NTRK3: variants seen among roughly 807,000 people sequenced by gnomAD.
The protein encoded by NTRK3 is neurotrophic receptor tyrosine kinase 3, also known as NT-3 growth factor receptor.
Under a neutral mutation model 91.7 loss-of-function variants are expected in NTRK3, and 24 were observed. The ratio of observed to expected loss-of-function variants is 0.26; its 90% CI spans 0.19 to 0.37. The LOEUF is 0.37. Ranked by LOEUF, NTRK3 falls within the 10% of genes least tolerant of loss-of-function variation. The pLI, the probability that NTRK3 is intolerant of heterozygous loss-of-function variation, is 1.00. For missense variants in NTRK3, 880 were observed against 1,068.9 expected (o/e 0.82, Z 2.46); for synonymous variants, 483 against 404.0 (o/e 1.20, Z -2.34).
At chr15:88,246,576 C>T (rs764687074) in intron 3 of NTRK3, among the ~76,000 whole-genome samples, 1 of 152,184 alleles carries the variant, frequency 6.6e-6, no homozygotes, top group African/African-American at 2.4e-5. Context: ...CTCTATTAAG[C>T]CTGTGGGTCT....
intron 3 of NTRK3, among the ~76,000 whole-genome samples, chr15:88,232,663 G>A (rs1032860754): frequency 6.6e-6 from 1 of 152,152 alleles, no homozygotes; most frequent in South Asian, 2.1e-4. Flanking sequence ...AACCTCTGAG[G>A]AGCTGATTTG....
intron 3 of NTRK3, among the ~76,000 whole-genome samples, chr15:88,209,430 GC>G: frequency 6.6e-6 from 1 of 152,330 alleles, no homozygotes; most frequent in Admixed American, 6.5e-5. Flanking sequence ...TGGCTAGGAT[GC>G]CCTATCAGTC....
chr15:88,096,435 AC>A (rs1277660417), intron 13 of NTRK3, among the ~76,000 whole-genome samples: 2 of 152,200 alleles, frequency 1.3e-5, no homozygotes, highest in Non-Finnish European at 2.9e-5. Flanking sequence ...CTTCACCATG[AC>A]ACAGGCCCAG....
Position 88,137,919 on chromosome 15 carries a change from C to T in NTRK3, c.465-358G>A, listed in dbSNP as rs182473324. On this transcript the variant is annotated intron_variant, in intron 6 of 18. Coordinates refer to ENST00000394480, the Ensembl canonical transcript of NTRK3. ...TACAAAAATTAGCCGTGCGTGGTGGCGCACGCCTGTAGTCCCAGCTACTCG... is the reference window on the plus strand; with the variant it reads ...TACAAAAATTAGCCGTGCGTGGTGGTGCACGCCTGTAGTCCCAGCTACTCG... 1.3e-3 allele frequency among the ~76,000 whole-genome samples: 193 copies of T among 151,830 alleles called. 1 individual carries two copies. In the Middle Eastern group the frequency reaches 0.031, roughly 24 times the overall value.
chr15:88,245,745 C>A (rs745959211), intron 3 of NTRK3, among the ~76,000 whole-genome samples: 2 of 152,056 alleles, frequency 1.3e-5, no homozygotes, highest in African/African-American at 2.4e-5. Flanking sequence ...AATAGTCCTG[C>A]CTTATGTTTA....
intron 3 of NTRK3, among the ~76,000 whole-genome samples, chr15:88,212,036 T>G (rs772402397): frequency 3.3e-5 from 5 of 152,158 alleles, no homozygotes; most frequent in Non-Finnish European, 7.3e-5. Flanking sequence ...GAATCAAATG[T>G]GAAGAATCCA....
intron 14 of NTRK3, among the ~76,000 whole-genome samples, chr15:87,990,172 A>C (rs2075177234): frequency 6.6e-6 from 1 of 152,102 alleles, no homozygotes. Flanking sequence ...CATGGTCTCA[A>C]AGCTACAACT....
At chr15:87,933,858 G>T (rs2069022649) in intron 15 of NTRK3, among the ~76,000 whole-genome samples, 2 of 152,150 alleles carry the variant, frequency 1.3e-5, no homozygotes, top group South Asian at 4.1e-4. Flanking sequence ...TACACTCAGG[G>T]CCAGGCAGAG....
In NTRK3 at chr15:88,187,694, G is replaced by A. The variant is rs183997108; in HGVS notation, c.249-3395C>T. 1.2e-4 allele frequency among the ~76,000 whole-genome samples: 18 copies of A among 152,180 alleles called. No individual in the cohort carries two copies. In the East Asian group the frequency reaches 2.1e-3, roughly 18 times the overall value. ...ATACTGCCTGCAAAACAGACTTTGCGAGGCTGAGGCGGGTGGATCATTCAT... is the reference window on the plus strand; with the variant it reads ...ATACTGCCTGCAAAACAGACTTTGCAAGGCTGAGGCGGGTGGATCATTCAT... On this transcript the variant is annotated intron_variant, in intron 3 of 18. Coordinates refer to ENST00000394480, the Ensembl canonical transcript of NTRK3.
At chr15:88,002,239 A>G (rs2076161941) in intron 14 of NTRK3, among the ~76,000 whole-genome samples, 1 of 142,802 alleles carries the variant, frequency 7.0e-6, no homozygotes, top group Non-Finnish European at 1.5e-5. Flanking sequence ...AGTTTTCTCA[A>G]CTCCTCAAGC....
Position 88,085,551 on chromosome 15 carries a change from A to G in NTRK3, c.1396+40720T>C, listed in dbSNP as rs141366086. Among the ~76,000 whole-genome samples, 829 of 152,326 alleles carry G rather than the reference A, an allele frequency of 5.4e-3. 10 individuals carry two copies. The highest frequency in any genetic ancestry group is 0.041 in the Middle Eastern group (12 of 294). On this transcript the variant is annotated intron_variant, in intron 13 of 18. Transcript: ENST00000394480. ...CCTGGAGCCAAACTCAGCCAAGCAC[A>G]TCAGGAATCAGCCAAACCCAGCCAA...
At chr15:88,106,518 A>G (rs1256419024) in intron 13 of NTRK3, among the ~76,000 whole-genome samples, 7 of 152,262 alleles carry the variant, frequency 4.6e-5, no homozygotes, top group Non-Finnish European at 1.0e-4. Context: ...TGGAAAAGCT[A>G]GAGACAGGGT....
At chr15:88,113,972 A>G (rs1378032830) in intron 13 of NTRK3, among the ~76,000 whole-genome samples, 1 of 152,180 alleles carries the variant, frequency 6.6e-6, no homozygotes, top group Non-Finnish European at 1.5e-5. Flanking sequence ...GAGATTCAGT[A>G]GATGTGACCC....
At chr15:87,883,726 C>T (rs1443961629) in intron 17 of NTRK3, among the ~76,000 whole-genome samples, 10 of 150,524 alleles carry the variant, frequency 6.6e-5, no homozygotes, top group African/African-American at 2.4e-4. Context: ...AAATAAGAAA[C>T]ATTTTCTGTA....
At chr15:88,226,457 T>C (rs1330960991) in intron 3 of NTRK3, among the ~76,000 whole-genome samples, 1 of 152,228 alleles carries the variant, frequency 6.6e-6, no homozygotes, top group Non-Finnish European at 1.5e-5. Context: ...GGCAGTGAGA[T>C]GACCCACAAT....
intron 14 of NTRK3, among the ~76,000 whole-genome samples, chr15:87,996,108 G>T (rs1305004246): frequency 1.3e-5 from 2 of 152,066 alleles, no homozygotes; most frequent in Non-Finnish European, 2.9e-5. Flanking sequence ...GCCGGGCATG[G>T]TGGCACGCAC....
At chr15:87,974,047 G>A (rs937841671) in intron 14 of NTRK3, among the ~76,000 whole-genome samples, 6 of 152,066 alleles carry the variant, frequency 3.9e-5, no homozygotes, top group East Asian at 1.9e-4. Context: ...GCTTTCCCGC[G>A]GCATCCAACC....
Position 88,117,001 on chromosome 15 carries a change from C to T in NTRK3, c.1396+9270G>A, listed in dbSNP as rs544013749. ...TGACTTGGAGAGCCAGTGAAATATG[C>T]GGACGTCTATTGGATTGAGACCATT... On this transcript the variant is annotated intron_variant, in intron 13 of 18. Transcript: ENST00000394480. Among the ~76,000 whole-genome samples, 12 of 152,272 alleles carry T rather than the reference C, an allele frequency of 7.9e-5. No homozygotes were observed. In the South Asian group the frequency reaches 1.7e-3, roughly 21 times the overall value.
rs559934225 is a variant in NTRK3, at chr15:87,930,130, C to T, written c.1890-696G>A. Among the ~76,000 whole-genome samples the T allele has an allele frequency of 3.9e-5, 6 of 152,284 alleles. No individual in the cohort carries two copies. The East Asian group carries it at 9.7e-4, about 25-fold the overall frequency. Reference sequence around the variant, plus strand: ...CCCTGGGACACTCCTAACCACTCCACCACACCGCTTAGCACTGGGTAACTT... The same window carrying T: ...CCCTGGGACACTCCTAACCACTCCATCACACCGCTTAGCACTGGGTAACTT... On this transcript the variant is annotated intron_variant, in intron 16 of 18. Coordinates refer to ENST00000394480, the Ensembl canonical transcript of NTRK3.
Sources: gnomAD v4.1 joint callset for allele counts (sites outside exome capture counted in the v4.1 genomes callset) on GRCh38, gnomAD v4.1.1 for gene constraint, MANE v1.5 for transcripts, NCBI Gene and HGNC (gene_info 2026-07-23, HGNC 2026-07-21) for gene names.